The following FBXO21 variants were observed in gnomAD, a reference collection of about 807,000 sequenced individuals.
FBXO21 encodes the protein F-box only protein 21.
In FBXO21, 32 loss-of-function variants were observed where a neutral mutation model predicts 76.6. That is an observed-to-expected ratio of 0.42 (90% confidence interval 0.32 to 0.56). The LOEUF (loss-of-function observed/expected upper bound fraction) is 0.56. Among genes scored for constraint, FBXO21 ranks in the 20% least tolerant of loss-of-function variants. The probability of loss-of-function intolerance (pLI) is 0.16; values close to 1 mark genes in which losing one functional copy is unlikely to be tolerated. For synonymous variants in FBXO21, 328 were observed against 311.5 expected, an observed-to-expected ratio of 1.05 and a Z score of -0.56; for missense variants, 586 against 797.3, an observed-to-expected ratio of 0.73 and a Z score of 3.19.
Position 117,142,794 on chromosome 12 carries a change from T to A in FBXO21, c.*3293A>T, listed in dbSNP as rs918906644. On this transcript the variant is annotated 3_prime_UTR_variant, in exon 12 of 12. Coordinates refer to ENST00000622495, the MANE Select transcript of FBXO21 (RefSeq NM_015002.3). Reference sequence around the variant, plus strand: ...AGTCTGAGTTCACTTACTTGGAGTATGGACTAAGGAGGGGAAAGCAAAGAG... The same window carrying A: ...AGTCTGAGTTCACTTACTTGGAGTAAGGACTAAGGAGGGGAAAGCAAAGAG... 1.3e-5 allele frequency: 2 copies of A among 151,732 alleles called. No individual in the cohort carries two copies. The highest frequency in any genetic ancestry group is 4.8e-5 in the African/African-American group (2 of 41,262). The allele number at this position is 151,732 out of a possible 1,614,324, so 9.4% of individuals were successfully genotyped here.
intron 3 of FBXO21, among the ~76,000 whole-genome samples, chr12:117,181,817 T>G (rs1053757905): frequency 3.3e-5 from 5 of 152,032 alleles, no homozygotes; most frequent in Non-Finnish European, 5.9e-5. Flanking sequence ...GCCCGGCTAA[T>G]TTTTTGTATT....
In FBXO21 at chr12:117,145,086, G is replaced by A. The variant is rs1444780312; in HGVS notation, c.*1001C>T. 2 of 136,684 alleles carry A rather than the reference G, an allele frequency of 1.5e-5. No individual in the cohort carries two copies. The highest frequency in any genetic ancestry group is 5.3e-5 in the African/African-American group (2 of 37,996). 8.5% of individuals were successfully genotyped at this position (136,684 alleles called of 1,614,324 possible). A position where few individuals can be genotyped will look rare whatever the true frequency, so the allele number is the denominator to read the frequency against. On this transcript the variant is annotated 3_prime_UTR_variant, in exon 12 of 12. Transcript: ENST00000622495. ...CAAAACCTTTTTTTTTTTTTTTAAGGTTCATTAATTTTTTTTTTTCCTGAT... is the reference window on the plus strand; with the variant it reads ...CAAAACCTTTTTTTTTTTTTTTAAGATTCATTAATTTTTTTTTTTCCTGAT...
At chr12:117,154,818 G>A (rs1201042992) in intron 11 of FBXO21, among the ~76,000 whole-genome samples, 1 of 152,098 alleles carries the variant, frequency 6.6e-6, no homozygotes, top group Non-Finnish European at 1.5e-5. Flanking sequence ...TTGATTATTG[G>A]ATTTATCAGA....
At chr12:117,175,739 G>A (rs895349721) in intron 4 of FBXO21, among the ~76,000 whole-genome samples, 20 of 152,290 alleles carry the variant, frequency 1.3e-4, no homozygotes, top group Admixed American at 9.2e-4. Context: ...AGACTTCTTC[G>A]ATGGCATCAG....
chr12:117,153,101 G>A (rs915513532), intron 11 of FBXO21, among the ~76,000 whole-genome samples: 63 of 152,104 alleles, frequency 4.1e-4, no homozygotes, highest in African/African-American at 1.4e-3. Flanking sequence ...CAAGTGGCCC[G>A]GTCCAGGGAC....
chr12:117,158,543 A>T (rs1027039338), intron 9 of FBXO21, among the ~76,000 whole-genome samples: 10 of 152,354 alleles, frequency 6.6e-5, no homozygotes, highest in Middle Eastern at 3.4e-3. Context: ...AAATTGCTTT[A>T]ATCGAGACGA....
chr12:117,152,538 A>AGG (rs1565995497), intron 11 of FBXO21, among the ~76,000 whole-genome samples: 1 of 148,848 alleles, frequency 6.7e-6, no homozygotes, highest in Non-Finnish European at 1.5e-5. Flanking sequence ...AAGGGGGGAA[A>AGG]AAAAATGAAG....
chr12:117,172,423 G>C (rs373418431), intron 7 of FBXO21, 48 bp downstream of exon 7: 19 of 1,592,270 alleles, frequency 1.2e-5, no homozygotes, highest in Non-Finnish European at 1.5e-5. Context: ...TCTCAGCACA[G>C]AGGGACCAAA....
In FBXO21 at chr12:117,145,392, A is replaced by G. The variant is rs1390086353; in HGVS notation, c.*695T>C. The G allele has an allele frequency of 6.6e-6, 1 of 152,192 alleles. No individual in the cohort carries two copies. Among genetic ancestry groups the G allele is most frequent in the African/African-American group, 2.4e-5 (1 of 41,466 alleles). The allele number at this position is 152,192 out of a possible 1,614,324, so 9.4% of individuals were successfully genotyped here. On this transcript the variant is annotated 3_prime_UTR_variant, in exon 12 of 12. Transcript: ENST00000622495. ...ATAAAATAGAAAACTAATGATTTAT[A>G]GAGATGTGCATAAACTCAAGAGAGG...
At chr12:117,147,266 A>G (rs1434315801) in intron 11 of FBXO21, among the ~76,000 whole-genome samples, 22 of 146,374 alleles carry the variant, frequency 1.5e-4, no homozygotes, top group Admixed American at 9.8e-4. Flanking sequence ...AAAGAAAGAA[A>G]TAGAAAATAA....
chr12:117,159,613 C>T (rs890068218), intron 9 of FBXO21, among the ~76,000 whole-genome samples: 2 of 152,170 alleles, frequency 1.3e-5, no homozygotes, highest in Non-Finnish European at 2.9e-5. Flanking sequence ...TACCTCCAGC[C>T]GGGTGCTTTT....
At position 117,144,749 on chromosome 12, in the gene FBXO21, G is replaced by A. The variant is rs1955749390; in HGVS notation, c.*1338C>T. 1 of 152,210 alleles carries A rather than the reference G, an allele frequency of 6.6e-6. No homozygotes were observed. Among genetic ancestry groups the A allele is most frequent in the Non-Finnish European group, 1.5e-5 (1 of 68,048 alleles). The allele number at this position is 152,210 out of a possible 1,614,324, so 9.4% of individuals were successfully genotyped here. On this transcript the variant is annotated 3_prime_UTR_variant, in exon 12 of 12. Transcript: ENST00000622495. Reference sequence around the variant, plus strand: ...CTTGAGAACTGGCAGGCCGAGAGTTGGTGGAGCTCCAGAGCTGCACAAAGG... The same window carrying A: ...CTTGAGAACTGGCAGGCCGAGAGTTAGTGGAGCTCCAGAGCTGCACAAAGG...
rs3999685 is a variant in FBXO21 at position 117,150,956 on chromosome 12, T to TTGTGTG, written c.1676-4685_1676-4680dup. 9.6e-4 allele frequency among the ~76,000 whole-genome samples: 91 copies of TTGTGTG among 94,708 alleles called. 1 individual carries two copies. Among genetic ancestry groups the TTGTGTG allele is most frequent in the Non-Finnish European group, 1.3e-3 (63 of 47,614 alleles). 62.1% of individuals were successfully genotyped at this position (94,708 alleles called of 152,430 possible). A position where few individuals can be genotyped will look rare whatever the true frequency, so the allele number is the denominator to read the frequency against. ...TTGAGTTTGGAAGTATCAAATAAGT[T>TTGTGTG]TGTGTGTGTGTGTGTGTGTGTGTGT... is the stretch of plus-strand genomic sequence containing the variant. On this transcript the variant is annotated intron_variant, in intron 11 of 11. Transcript: ENST00000622495.
chr12:117,149,815 G>A (rs61938671), intron 11 of FBXO21, among the ~76,000 whole-genome samples: 3 of 152,174 alleles, frequency 2.0e-5, no homozygotes, highest in Admixed American at 6.5e-5. Flanking sequence ...GTTGGGAGGA[G>A]GAAAGAAGCG....
At chr12:117,158,282 A>G (rs1955940126) in intron 9 of FBXO21, among the ~76,000 whole-genome samples, 1 of 152,088 alleles carries the variant, frequency 6.6e-6, no homozygotes, top group East Asian at 1.9e-4. Flanking sequence ...CTACTGTAAC[A>G]CTGGCAGCTG....
intron 9 of FBXO21, among the ~76,000 whole-genome samples, chr12:117,162,903 T>G (rs1955999953): frequency 6.6e-6 from 1 of 152,192 alleles, no homozygotes. Context: ...TTTTCTGCCC[T>G]CTGAAGTTGT....
intron 3 of FBXO21, among the ~76,000 whole-genome samples, chr12:117,182,985 C>G (rs150573190): frequency 3.3e-5 from 5 of 152,032 alleles, no homozygotes; most frequent in African/African-American, 1.2e-4. Context: ...CCTAACTACT[C>G]GGGAGGCTGA....
At chr12:117,187,474 T>C (rs1464023209) in intron 2 of FBXO21, among the ~76,000 whole-genome samples, 1 of 150,212 alleles carries the variant, frequency 6.7e-6, no homozygotes, top group African/African-American at 2.4e-5. Context: ...ATTCTATGGC[T>C]TCTCTCAGTT....
intron 9 of FBXO21, among the ~76,000 whole-genome samples, chr12:117,160,652 C>G (rs1955966782): frequency 6.6e-6 from 1 of 152,168 alleles, no homozygotes; most frequent in Non-Finnish European, 1.5e-5. Flanking sequence ...GAGACAGGGT[C>G]TCACCCTGTC....
Sources: gnomAD v4.1 joint callset for allele counts (sites outside exome capture counted in the v4.1 genomes callset) on GRCh38, gnomAD v4.1.1 for gene constraint, MANE v1.5 for transcripts, NCBI Gene and HGNC (gene_info 2026-07-23, HGNC 2026-07-21) for gene names.